The following SUPT5H variants were observed in gnomAD, a reference collection of about 807,000 sequenced individuals.
SUPT5H encodes SPT5 homolog, DSIF elongation factor subunit, also known as transcription elongation factor SPT5.
A neutral mutation model predicts 142.5 loss-of-function variants in SUPT5H; 24 were observed. The observed-to-expected ratio is 0.17, with a 90% CI of 0.12 to 0.24. The LOEUF is 0.24. Among genes scored for constraint, SUPT5H ranks in the 10% least tolerant of loss-of-function variants. The pLI, the probability that SUPT5H is intolerant of heterozygous loss-of-function variation, is 1.00. For synonymous variants in SUPT5H, 546 were observed against 553.0 expected, an observed-to-expected ratio of 0.99 and a Z score of 0.18; for missense variants, 893 against 1,471.8, an observed-to-expected ratio of 0.61 and a Z score of 6.43.
At position 39,472,770 on chromosome 19, in the gene SUPT5H, A is replaced by C. The variant is rs371941986; in HGVS notation, c.2036-40A>C. On this transcript the variant is annotated intron_variant, in intron 21 of 29. Transcript: ENST00000432763. The surrounding 1 kb of genome is among the most constrained non-coding windows in gnomAD (Gnocchi z 4.2). ...TTCTGATGGTGCCCTTGCTGTGGGC[A>C]CAGCCGTGGGGGACCAGTGACATTC... 3.3e-5 allele frequency: 53 copies of C among 1,589,396 alleles called. No homozygotes were observed. In the African/African-American group the frequency reaches 5.9e-4, roughly 18 times the overall value.
rs756794439 is a variant in SUPT5H at position 39,458,246 on chromosome 19, A to G, written c.308-48A>G. The G allele has an allele frequency of 3.9e-6, 3 of 776,864 alleles. No homozygotes were observed. Among genetic ancestry groups the G allele is most frequent in the East Asian group, 5.9e-5 (2 of 34,118 alleles). The allele number at this position is 776,864 out of a possible 1,614,324, so 48.1% of individuals were successfully genotyped here. A position where few individuals can be genotyped will look rare whatever the true frequency, so the allele number is the denominator to read the frequency against. On this transcript the variant is annotated intron_variant, in intron 4 of 29. Coordinates refer to ENST00000432763, the MANE Select transcript of SUPT5H (RefSeq NM_001111020.3). The surrounding 1 kb of genome is among the most constrained non-coding windows in gnomAD (Gnocchi z 4.2). ...TCTGCCCTCGCCCACCACCACCACCACCACCACCACCACCACCACCACCAC... is the reference window on the plus strand; with the variant it reads ...TCTGCCCTCGCCCACCACCACCACCGCCACCACCACCACCACCACCACCAC...
intron 7 of SUPT5H, 45 bp downstream of exon 7, chr19:39,459,118 C>T: frequency 6.2e-7 from 1 of 1,613,446 alleles, no homozygotes; most frequent in Non-Finnish European, 8.5e-7. Context: ...GCAGGTGGTC[C>T]CTAAGCGGGA....
chr19:39,473,002 C>T lies in SUPT5H; in HGVS notation c.2156-10C>T, dbSNP rs79803140. 2.7e-3 allele frequency: 4,302 copies of T among 1,613,252 alleles called. 94 individuals are homozygous for T. In the African/African-American group the frequency reaches 0.049, roughly 18 times the overall value. ...GAGCCTGCCCAGCCTGACCTCCTGT[C>T]CCCCTGCAGGCTACATCGGTGTGGT... is the stretch of plus-strand genomic sequence containing the variant. On this transcript the variant is annotated splice_polypyrimidine_tract_variant and intron_variant, in intron 22 of 29. Coordinates refer to ENST00000432763, the MANE Select transcript of SUPT5H (RefSeq NM_001111020.3). This position sits in a 1 kb window ranked among gnomAD's most constrained non-coding sequence, Gnocchi z 5.8.
chr19:39,457,921 T>C (rs1568422870), intron 4 of SUPT5H, 181 bp downstream of exon 4: 3 of 680,424 alleles, frequency 4.4e-6, no homozygotes, highest in Admixed American at 4.5e-5. Flanking sequence ...GGCCCATGAG[T>C]GGGGGGTGGG....
rs2079352486 is a variant in SUPT5H, at chr19:39,473,363, T to C, written c.2386+33T>C. The C allele has an allele frequency of 2.5e-6, 4 of 1,613,250 alleles. No individual in the cohort carries two copies. The East Asian group carries it at 8.9e-5, about 36-fold the overall frequency. On this transcript the variant is annotated intron_variant, in intron 24 of 29. Transcript: ENST00000432763. This position sits in a 1 kb window ranked among gnomAD's most constrained non-coding sequence, Gnocchi z 5.8. ...CCCGCAGGGGACAGGGAAGAGGGGCTAGGGGGACCTAGAGAAGGGACAGGA... is the reference window on the plus strand; with the variant it reads ...CCCGCAGGGGACAGGGAAGAGGGGCCAGGGGGACCTAGAGAAGGGACAGGA...
Position 39,457,727 on chromosome 19 carries a change from C to T in SUPT5H, c.294C>T (p.Asp98=). ...ACCAGTGGGAGGATGGAGCAGAGGA[C>T]ATTCTAGAGAAAGGTGTGTGTGAGC... is the stretch of plus-strand genomic sequence containing the variant. ...DEDQWEDGAE[D]ILEKEEIEAS... Residue 98 remains aspartate, a synonymous_variant, in exon 4 of 30, where the codon GAC becomes GAT. Transcript: ENST00000432763. The T allele has an allele frequency of 6.2e-7, 1 of 1,614,120 alleles. No individual in the cohort carries two copies. The highest frequency in any genetic ancestry group is 8.5e-7 in the Non-Finnish European group (1 of 1,180,008).
chr19:39,462,846 T>C (rs1158799668), intron 10 of SUPT5H, among the ~76,000 whole-genome samples: 1 of 131,324 alleles, frequency 7.6e-6, no homozygotes, highest in Non-Finnish European at 1.7e-5. Context: ...TTTCTTTTTT[T>C]TTTTTTTTTT....
intron 13 of SUPT5H, 97 bp from the exon 14 acceptor site, chr19:39,468,659 G>C: frequency 9.4e-7 from 1 of 1,065,726 alleles, no homozygotes; most frequent in South Asian, 1.4e-5. Flanking sequence ...GTCTGCCTGT[G>C]GTCCTCTCCT....
chr19:39,461,821 CAA>C (rs747295729), intron 10 of SUPT5H, among the ~76,000 whole-genome samples: 129 of 128,412 alleles, frequency 1.0e-3, no homozygotes, highest in African/African-American at 3.3e-3. Flanking sequence ...GAGACTGTCT[CAA>C]AAAAAAAAAA....
Position 39,470,743 on chromosome 19 carries a change from A to G in SUPT5H, c.1677+220A>G, listed in dbSNP as rs1037053142. Among the ~76,000 whole-genome samples, 1 of 152,132 alleles carries G rather than the reference A, an allele frequency of 6.6e-6. No individual in the cohort carries two copies. The highest frequency in any genetic ancestry group is 1.5e-5 in the Non-Finnish European group (1 of 68,004). ...TAAAATGGAAACGAGAGCAGCGTCT[A>G]CTTTGTTCATAGTGAATGATTCCCT... On this transcript the variant is annotated intron_variant, in intron 18 of 29. Transcript: ENST00000432763. The surrounding 1 kb of genome is among the most constrained non-coding windows in gnomAD (Gnocchi z 5.8).
intron 7 of SUPT5H, 28 bp from the exon 8 acceptor site, chr19:39,459,156 C>G: frequency 1.2e-6 from 2 of 1,610,128 alleles, no homozygotes; most frequent in Non-Finnish European, 1.7e-6. Context: ...AGAGCTTCAC[C>G]CCTTCCTGAC....
At chr19:39,457,885 G>A (rs1192676946) in intron 4 of SUPT5H, 145 bp downstream of exon 4, 1 of 1,343,346 alleles carries the variant, frequency 7.4e-7, no homozygotes, top group Admixed American at 2.0e-5. Flanking sequence ...TTCCCAGAGA[G>A]ACCAGCTCCC....
intron 1 of SUPT5H, 81 bp from the exon 2 acceptor site, chr19:39,445,723 C>G: frequency 1.3e-6 from 1 of 742,124 alleles, no homozygotes; most frequent in South Asian, 1.7e-5. Flanking sequence ...TAGCATGTGG[C>G]GTAGGAGGGG....
Position 39,472,608 on chromosome 19 carries a change from T to A in SUPT5H, c.2035+115T>A. 3 of 1,395,026 alleles carry A rather than the reference T, an allele frequency of 2.2e-6. No homozygotes were observed. Among genetic ancestry groups the A allele is most frequent in the Non-Finnish European group, 2.9e-6 (3 of 1,017,084 alleles). 86.4% of individuals were successfully genotyped at this position (1,395,026 alleles called of 1,614,324 possible). A position where few individuals can be genotyped will look rare whatever the true frequency, so the allele number is the denominator to read the frequency against. On this transcript the variant is annotated intron_variant, in intron 21 of 29. Coordinates refer to ENST00000432763, the MANE Select transcript of SUPT5H (RefSeq NM_001111020.3). The surrounding 1 kb of genome is among the most constrained non-coding windows in gnomAD (Gnocchi z 4.2). ...CTGGGCTGGGCACTGCTATTAGGGG[T>A]TCACCACCCACAGGAGGGTAGACGC...
intron 2 of SUPT5H, among the ~76,000 whole-genome samples, chr19:39,451,443 G>T (rs536804215): frequency 6.6e-6 from 1 of 151,940 alleles, no homozygotes; most frequent in Non-Finnish European, 1.5e-5. Context: ...TGATCCGCGC[G>T]AGCCACCGCG....
Position 39,476,188 on chromosome 19 carries a change from G to A in SUPT5H, c.3120+12G>A, listed in dbSNP as rs1221915550. 6.2e-7 allele frequency: 1 copy of A among 1,613,968 alleles called. No individual in the cohort carries two copies. The highest frequency in any genetic ancestry group is 1.3e-5 in the African/African-American group (1 of 74,880). On this transcript the variant is annotated intron_variant, in intron 29 of 29. Transcript: ENST00000432763. ...CCAAGAACAACAAGGTAAGGGCAGG[G>A]GGCAAGGAGATAAGATGGGGCCGTT...
Position 39,458,544 on chromosome 19 carries a change from G to C in SUPT5H, c.319+239G>C. ...GAGCATTTGTGGGTGGTAGCGATGTGTGGGGTGGGGTGCAGTCCAGGGTGT... is the reference window on the plus strand; with the variant it reads ...GAGCATTTGTGGGTGGTAGCGATGTCTGGGGTGGGGTGCAGTCCAGGGTGT... On this transcript the variant is annotated intron_variant, in intron 5 of 29. Transcript: ENST00000432763. This position sits in a 1 kb window ranked among gnomAD's most constrained non-coding sequence, Gnocchi z 4.2. 1.2e-6 allele frequency: 1 copy of C among 812,480 alleles called. No individual in the cohort carries two copies. The highest frequency in any genetic ancestry group is 1.7e-5 in the South Asian group (1 of 58,056). The allele number at this position is 812,480 out of a possible 1,614,324, so 50.3% of individuals were successfully genotyped here.
intron 4 of SUPT5H, 45 bp downstream of exon 4, chr19:39,457,785 G>T: frequency 3.1e-6 from 5 of 1,613,652 alleles, no homozygotes; most frequent in Non-Finnish European, 3.4e-6. Flanking sequence ...GAAGAGGGTG[G>T]CTGAGAGGGT....
In SUPT5H at chr19:39,469,148, C is replaced by A. The variant is rs1426455488; in HGVS notation, c.1213C>A (p.Leu405Met). 2 of 1,614,222 alleles carry A rather than the reference C, an allele frequency of 1.2e-6. No homozygotes were observed. Among genetic ancestry groups the A allele is most frequent in the Non-Finnish European group, 1.7e-6 (2 of 1,180,030 alleles). The change falls in exon 15 of 30, where the codon CTG becomes ATG. Residue 405 changes from leucine to methionine, a missense_variant. By Grantham distance (15) the Leu-to-Met change is conservative (BLOSUM62 2). Around this residue, in one of 6 missense-constraint regions of SUPT5H, gnomAD observed 428 missense variants for 763.5 expected, o/e 0.56. Transcript: ENST00000432763. The surrounding 1 kb of genome is among the most constrained non-coding windows in gnomAD (Gnocchi z 5.1). ...TGAGGACCAGCCAGAGGGCATTGAC[C>A]TGGAGGTGGTGACTGAGAGCACAGG... ...KFEDQPEGID[L>M]EVVTESTGKE...
Sources: gnomAD v4.1 joint callset for allele counts (sites outside exome capture counted in the v4.1 genomes callset) on GRCh38, gnomAD v4.1.1 for gene constraint, gnomAD v4.1.1 regional missense constraint, Gnocchi (gnomAD v3.1) non-coding constraint, MANE v1.5 for transcripts, NCBI Gene and HGNC (gene_info 2026-07-23, HGNC 2026-07-21) for gene names.